KYNU: variants seen among roughly 807,000 people sequenced by gnomAD.
The protein encoded by KYNU is L-kynurenine hydrolase.
KYNU carries 54 observed loss-of-function variants against 59.2 expected under a neutral mutation model. The observed-to-expected ratio is 0.91, with a 90% CI of 0.73 to 1.14. KYNU has a LOEUF of 1.14. Among genes scored for constraint, KYNU ranks in the 50% most tolerant of loss-of-function variants. The pLI is 0.00. For missense variants in KYNU, 567 were observed against 554.4 expected (o/e 1.02, Z -0.23); for synonymous variants, 177 against 192.0 (o/e 0.92, Z 0.65).
At chr2:143,017,365 G>T (rs190856410) in intron 10 of KYNU, among the ~76,000 whole-genome samples, 1 of 149,838 alleles carries the variant, frequency 6.7e-6, no homozygotes, top group Non-Finnish European at 1.5e-5. Context: ...CACCAACAGC[G>T]TATAACTGTT....
At chr2:142,886,407 CCTATTTGTCTTCAGCTATG>C (rs774291856) in intron 2 of KYNU, among the ~76,000 whole-genome samples, 103 of 152,204 alleles carry the variant, frequency 6.8e-4, no homozygotes, top group Admixed American at 3.1e-3. Context: ...GTTAAAAACA[CCTATTTGTCTTCAGCTATG>C]TACCCAACAA....
chr2:142,983,929 A>C (rs1035200892), intron 8 of KYNU, among the ~76,000 whole-genome samples: 5 of 151,972 alleles, frequency 3.3e-5, no homozygotes, highest in Non-Finnish European at 7.4e-5. Context: ...TCTCTTTTTG[A>C]ATCTTACAAA....
At chr2:142,913,744 CTTTG>C in intron 2 of KYNU, among the ~76,000 whole-genome samples, 1 of 152,262 alleles carries the variant, frequency 6.6e-6, no homozygotes, top group Middle Eastern at 3.4e-3. Flanking sequence ...TCTAAAATGT[CTTTG>C]TTAGTTTTCT....
At chr2:142,939,617 A>AG (rs956553940) in intron 4 of KYNU, among the ~76,000 whole-genome samples, 1 of 150,138 alleles carries the variant, frequency 6.7e-6, no homozygotes, top group Non-Finnish European at 1.5e-5. Flanking sequence ...AAAAAAAAAA[A>AG]AAAAAGAAAA....
intron 4 of KYNU, chr2:142,948,031 T>A (rs766161405): frequency 2.6e-5 from 4 of 152,200 alleles, no homozygotes; most frequent in Admixed American, 1.3e-4. Context: ...ATTTTTAAGA[T>A]CTAATAATTG....
rs1687204922 is a variant in KYNU, at chr2:143,048,425, C to A, written c.*6253C>A. 6.6e-6 allele frequency: 1 copy of A among 151,998 alleles called. No homozygotes were observed. The highest frequency in any genetic ancestry group is 1.5e-5 in the Non-Finnish European group (1 of 67,990). 9.4% of individuals were successfully genotyped at this position (151,998 alleles called of 1,614,324 possible). On this transcript the variant is annotated 3_prime_UTR_variant, in exon 14 of 14. Coordinates refer to ENST00000264170, the MANE Select transcript of KYNU (RefSeq NM_003937.3). ...TCTTTACTTATACACTATTGCTATT[C>A]ATTATAGCATTTTTAGTCTAGCTTC...
intron 12 of KYNU, among the ~76,000 whole-genome samples, chr2:143,037,426 T>G (rs1046544628): frequency 6.6e-6 from 1 of 152,194 alleles, no homozygotes; most frequent in African/African-American, 2.4e-5. Context: ...GAATTCATAA[T>G]GAAATAAATG....
At chr2:142,984,006 A>G (rs62169914) in intron 8 of KYNU, among the ~76,000 whole-genome samples, 31,737 of 151,972 alleles carry the variant, frequency 0.21, 3,905 homozygotes, top group South Asian at 0.36. Flanking sequence ...CTTTCCGTCA[A>G]TTTTGTGTAT....
chr2:143,029,442 C>T (rs6429998), intron 10 of KYNU, among the ~76,000 whole-genome samples, 185 bp from the exon 11 acceptor site: 5,626 of 152,114 alleles, frequency 0.037, 294 homozygotes, highest in African/African-American at 0.12. Flanking sequence ...AAAAACTAGC[C>T]GGGCATGGTG....
Position 143,006,065 on chromosome 2 carries a change from A to C in KYNU, c.902+20044A>C, listed in dbSNP as rs1343273247. ...CTGGAGGGAGGAGCCAAGATGGCCG[A>C]ATAGGAACAGCTCCGGTCTACAGCT... On this transcript the variant is annotated intron_variant, in intron 10 of 13. Transcript: ENST00000264170. Among the ~76,000 whole-genome samples, 3 of 152,338 alleles carry C rather than the reference A, an allele frequency of 2.0e-5. No individual in the cohort carries two copies. The East Asian group carries it at 5.8e-4, about 30-fold the overall frequency.
intron 10 of KYNU, among the ~76,000 whole-genome samples, chr2:143,026,022 G>T (rs1686543626): frequency 6.6e-6 from 1 of 152,064 alleles, no homozygotes; most frequent in Admixed American, 6.6e-5. Flanking sequence ...TAATAAAGAG[G>T]AGTTAAAATG....
chr2:142,881,889 G>A (rs570214386), intron 1 of KYNU, among the ~76,000 whole-genome samples: 3 of 149,512 alleles, frequency 2.0e-5, no homozygotes, highest in Non-Finnish European at 4.4e-5. Flanking sequence ...GCCAGTGCCA[G>A]CACACCTGGC....
At chr2:142,951,585 C>A (rs566542722) in intron 4 of KYNU, among the ~76,000 whole-genome samples, 14 of 152,268 alleles carry the variant, frequency 9.2e-5, no homozygotes, top group Admixed American at 5.9e-4. Flanking sequence ...TCTGTTGTAG[C>A]TATTTGATGT....
At position 142,897,539 on chromosome 2, in the gene KYNU, A is replaced by C. The variant is rs139764416; in HGVS notation, c.169+12003A>C. ...TATATTTTTCTTGGTAATACCAGAG[A>C]TCCAAATAATCAAAGCACAAATGAA... is the stretch of plus-strand genomic sequence containing the variant. On this transcript the variant is annotated intron_variant, in intron 2 of 13. Coordinates refer to ENST00000264170, the MANE Select transcript of KYNU (RefSeq NM_003937.3). Among the ~76,000 whole-genome samples the C allele has an allele frequency of 2.8e-4, 43 of 152,366 alleles. No homozygotes were observed. The East Asian group carries it at 7.9e-3, about 28-fold the overall frequency.
intron 9 of KYNU, among the ~76,000 whole-genome samples, chr2:142,985,745 C>G (rs1406572907): frequency 1.3e-5 from 2 of 151,876 alleles, no homozygotes; most frequent in Non-Finnish European, 2.9e-5. Context: ...GCCATTTATT[C>G]TCAACCTAAT....
At chr2:142,985,248 G>A in intron 9 of KYNU, 66 bp downstream of exon 9, 1 of 953,142 alleles carries the variant, frequency 1.0e-6, no homozygotes, top group South Asian at 1.3e-5. Context: ...AGGAGAAACT[G>A]GGTCTGTGGG....
chr2:142,892,968 G>A (rs1561566), intron 2 of KYNU, among the ~76,000 whole-genome samples: 83,885 of 151,962 alleles, frequency 0.55, 24,198 homozygotes, highest in African/African-American at 0.7. Flanking sequence ...GAGTTTTAAC[G>A]CATATATAGA....
chr2:143,011,783 AATC>A (rs1422964084), intron 10 of KYNU, among the ~76,000 whole-genome samples: 1 of 120,604 alleles, frequency 8.3e-6, no homozygotes, highest in Non-Finnish European at 1.7e-5. Flanking sequence ...TGAAATTGGA[AATC>A]ATCATTCTCA....
At chr2:142,963,453 G>C (rs1684419927) in intron 8 of KYNU, among the ~76,000 whole-genome samples, 1 of 152,176 alleles carries the variant, frequency 6.6e-6, no homozygotes, top group African/African-American at 2.4e-5. Flanking sequence ...TGTCTGCTTA[G>C]GGCTGCTGTT....
Sources: allele counts gnomAD v4.1 joint callset (sites outside exome capture counted in the v4.1 genomes callset), GRCh38; gene constraint gnomAD v4.1.1; transcripts MANE v1.5; gene names NCBI Gene and HGNC (gene_info 2026-07-23, HGNC 2026-07-21).